Variants in NLRP10 observed in about 807,000 individuals in gnomAD.
NLRP10 encodes the protein NLR family pyrin domain containing 10, also known as NACHT, LRR and PYD domains-containing protein 10.
A neutral mutation model predicts 8.2 loss-of-function variants in NLRP10; 7 were observed. The observed-to-expected ratio is 0.85, with a 90% confidence interval of 0.48 to 1.60. The LOEUF (loss-of-function observed/expected upper bound fraction) is 1.60. Ranked by LOEUF, NLRP10 falls within the 40% of genes most tolerant of loss-of-function variation. NLRP10 has a pLI of 0.00. For synonymous variants in NLRP10, 338 were observed against 314.0 expected, an observed-to-expected ratio of 1.08 and a Z score of -0.81; for missense variants, 814 against 776.3, an observed-to-expected ratio of 1.05 and a Z score of -0.58.
In NLRP10 at chr11:7,957,790, A is replaced by T. The variant is rs1941644067; in HGVS notation, c.*1854T>A. On this transcript the variant is annotated 3_prime_UTR_variant, in exon 3 of 3. Transcript: ENST00000691676. ...TTGTACAGCTCTATGCGTTTTGAAA[A>T]ATTTATGTCATGACTCCATCATTAT... 6.6e-6 allele frequency among the ~76,000 whole-genome samples: 1 copy of T among 152,138 alleles called. No homozygotes were observed. Among genetic ancestry groups the T allele is most frequent in the Non-Finnish European group, 1.5e-5 (1 of 68,020 alleles).
chr11:7,961,352 T>C, intron 2 of NLRP10, 30 bp from the exon 3 acceptor site: 1 of 1,453,732 alleles, frequency 6.9e-7, no homozygotes, highest in Non-Finnish European at 9.3e-7. Flanking sequence ...TGTTAGGTAG[T>C]GAAATGGGAA....
In NLRP10 at chr11:7,960,861, A is replaced by T; in HGVS notation, c.751T>A (p.Phe251Ile). The change falls in exon 3 of 3, where the codon TTT (phenylalanine) becomes ATT (isoleucine). Residue 251 changes from phenylalanine to isoleucine, a missense_variant. By Grantham distance (21) the Phe-to-Ile change is conservative. Transcript: ENST00000691676. ...PERLLFILDG[F>I]DELQRPFEEK... is the part of the protein sequence containing the mutation. The stretch of plus-strand genomic sequence containing the variant: ...TCAAAGGGCCTCTGCAGCTCATCAA[A>T]GCCATCCAGGATGAACAGGAGCCGC... 6.2e-7 allele frequency: 1 copy of T among 1,614,114 alleles called. No homozygotes were observed. The highest frequency in any genetic ancestry group is 1.1e-5 in the South Asian group (1 of 91,076).
Position 7,960,792 on chromosome 11 carries a change from G to T in NLRP10, c.820C>A (p.Leu274Met), listed in dbSNP as rs781429654. The change falls in exon 3 of 3, where the codon CTG becomes ATG. Residue 274 changes from leucine (L) to methionine (M), a missense_variant. By Grantham distance (15) the Leu-to-Met change is conservative. Coordinates refer to ENST00000691676, the MANE Select transcript of NLRP10 (RefSeq NM_001391958.1). ...GTATGTCTCCTAATTAGAAGGTGCAGCAGGCTCTCCTTGGGACTCAAACCC... is the reference window on the plus strand; with the variant it reads ...GTATGTCTCCTAATTAGAAGGTGCATCAGGCTCTCCTTGGGACTCAAACCC... ...KRGLSPKESLLHLLIRRHTLP... is the reference protein window; with the variant it reads ...KRGLSPKESLMHLLIRRHTLP... 1 of 1,614,130 alleles carries T rather than the reference G, an allele frequency of 6.2e-7. No homozygotes were observed. Among genetic ancestry groups the T allele is most frequent in the Admixed American group, 1.7e-5 (1 of 60,022 alleles).
In NLRP10 at chr11:7,958,742, G is replaced by A. The variant is rs1288943366; in HGVS notation, c.*902C>T. ...CTTTCGTATTTTTAGTAAAGACGGG[G>A]TTTCACCACATTGGCCAGGATGGTC... On this transcript the variant is annotated 3_prime_UTR_variant, in exon 3 of 3. Transcript: ENST00000691676. Among the ~76,000 whole-genome samples the A allele has an allele frequency of 1.3e-5, 2 of 152,128 alleles. No homozygotes were observed. Among genetic ancestry groups the A allele is most frequent in the African/African-American group, 4.8e-5 (2 of 41,430 alleles).
Position 7,960,019 on chromosome 11 carries a change from G to C in NLRP10, c.1593C>G (p.Leu531=). The C allele has an allele frequency of 6.2e-7, 1 of 1,614,054 alleles. No individual in the cohort carries two copies. Among genetic ancestry groups the C allele is most frequent in the Non-Finnish European group, 8.5e-7 (1 of 1,179,982 alleles). The change falls in exon 3 of 3, where the codon CTC becomes CTG. Residue 531 remains leucine (L), a synonymous_variant. Transcript: ENST00000691676. The part of the protein sequence containing the change: ...SKKDSFSNLE[L]KFCFRISPCL... The stretch of plus-strand genomic sequence containing the variant: ...AGGGAGAAATTCTGAAGCAGAACTT[G>C]AGCTCCAAGTTCGAGAAGCTGTCTT...
intron 2 of NLRP10, 60 bp from the exon 3 acceptor site, chr11:7,961,382 C>G: frequency 1.8e-6 from 2 of 1,088,090 alleles, no homozygotes; most frequent in Non-Finnish European, 2.7e-6. Flanking sequence ...GCAAAATGGC[C>G]CCTCCAAACT....
Position 7,960,783 on chromosome 11 carries a change from GA to G in NLRP10, c.828del (p.Leu277Ter). 6.2e-7 allele frequency: 1 copy of G among 1,614,130 alleles called. No individual in the cohort carries two copies. Among genetic ancestry groups the G allele is most frequent in the Non-Finnish European group, 8.5e-7 (1 of 1,180,020 alleles). On this transcript the variant is annotated frameshift_variant, in exon 3 of 3. Transcript: ENST00000691676. LOFTEE classifies it low-confidence loss of function (END_TRUNC). ...GLSPKESLLH[L>X]LIRRHTLPTC... ...GTGGGGAGTGTATGTCTCCTAATTAGAAGGTGCAGCAGGCTCTCCTTGGGAC... is the reference window on the plus strand; with the variant it reads ...GTGGGGAGTGTATGTCTCCTAATTAGAGGTGCAGCAGGCTCTCCTTGGGAC...
At chr11:7,963,640 A>G (rs1941771080) in intron 1 of NLRP10, 100 bp from the exon 2 acceptor site, 1 of 639,964 alleles carries the variant, frequency 1.6e-6, no homozygotes, top group Non-Finnish European at 2.7e-6. Flanking sequence ...GAGAGACGAG[A>G]TACATGTGCA....
chr11:7,964,121 C>A (rs999060667), intron 1 of NLRP10, among the ~76,000 whole-genome samples: 1 of 152,066 alleles, frequency 6.6e-6, no homozygotes, highest in South Asian at 2.1e-4. Flanking sequence ...GGGGTTTCAC[C>A]ATACGGGCCC....
rs747557662 is a variant in NLRP10, at chr11:7,960,231, AC to A, written c.1380del (p.Lys460AsnfsTer21). 3 of 1,614,006 alleles carry A rather than the reference AC, an allele frequency of 1.9e-6. No individual in the cohort carries two copies. In the African/African-American group the frequency reaches 4.0e-5, roughly 22 times the overall value. The part of the protein sequence containing the change: ...NDYQLGLAIK[K>X]FYSFRHISFQ... ...AAGCTGATGTGGCGGAAGCTGTAGAACTTCTTGATGGCAAGTCCCAATTGGT... is the reference window on the plus strand; with the variant it reads ...AAGCTGATGTGGCGGAAGCTGTAGAATTCTTGATGGCAAGTCCCAATTGGT... On this transcript the variant is annotated frameshift_variant, in exon 3 of 3. Transcript: ENST00000691676. LOFTEE classifies it low-confidence loss of function (END_TRUNC).
chr11:7,960,430 C>T lies in NLRP10; in HGVS notation c.1182G>A (p.Pro394=), dbSNP rs773746945. ...IFMAYVSTFL[P]PDDDGGCSEL... ...CGGAGCAGCCCCCATCATCATCGGG[C>T]GGCAGAAAGGTGGAGACGTAAGCCA... The change falls in exon 3 of 3, where the codon CCG becomes CCA. Residue 394 remains proline, a synonymous_variant. Coordinates refer to ENST00000691676, the MANE Select transcript of NLRP10 (RefSeq NM_001391958.1). The T allele has an allele frequency of 1.9e-6, 3 of 1,613,964 alleles. No individual in the cohort carries two copies. The highest frequency in any genetic ancestry group is 2.5e-6 in the Non-Finnish European group (3 of 1,180,034).
At position 7,963,947 on chromosome 11, in the gene NLRP10, A is replaced by C. The variant is rs199475851; in HGVS notation, c.-45-407T>G. ...TTTATTTTATTTTTTTTGGAGACAG[A>C]GTCTACCTCTGTTGCCCAGGCTGGG... On this transcript the variant is annotated intron_variant, in intron 1 of 2. Coordinates refer to ENST00000691676, the MANE Select transcript of NLRP10 (RefSeq NM_001391958.1). 3.7e-4 allele frequency among the ~76,000 whole-genome samples: 56 copies of C among 152,164 alleles called. 1 individual carries two copies. The highest frequency in any genetic ancestry group is 1.2e-3 in the African/African-American group (50 of 41,512).
Position 7,960,609 on chromosome 11 carries a change from C to G in NLRP10, c.1003G>C (p.Asp335His). 4 of 1,614,208 alleles carry G rather than the reference C, an allele frequency of 2.5e-6. No individual in the cohort carries two copies. The highest frequency in any genetic ancestry group is 3.4e-6 in the Non-Finnish European group (4 of 1,180,040). The change falls in exon 3 of 3, where the codon GAC becomes CAC. Residue 335 changes from aspartate to histidine, a missense_variant. By Grantham distance (81) the Asp-to-His change is moderately conservative. Coordinates refer to ENST00000691676, the MANE Select transcript of NLRP10 (RefSeq NM_001391958.1). ...TTCTGTACAATGTCGAAGGCACGGT[C>G]AGCTTGCTTCTCATCCGTGAAATAG... ...SSYFTDEKQA[D>H]RAFDIVQKND...
rs1941660402 is a variant in NLRP10, at chr11:7,958,573, C to G, written c.*1071G>C. 6.6e-6 allele frequency among the ~76,000 whole-genome samples: 1 copy of G among 151,136 alleles called. No homozygotes were observed. The highest frequency in any genetic ancestry group is 6.6e-5 in the Admixed American group (1 of 15,190). Reference sequence around the variant, plus strand: ...TTTACTCACCTTTTTTTTTTTGAGGCAGAGTCTCACTCTGTTGCCAGGCTG... The same window carrying G: ...TTTACTCACCTTTTTTTTTTTGAGGGAGAGTCTCACTCTGTTGCCAGGCTG... On this transcript the variant is annotated 3_prime_UTR_variant, in exon 3 of 3. Transcript: ENST00000691676.
chr11:7,963,415 C>G lies in NLRP10; in HGVS notation c.81G>C (p.Lys27Asn). 1.9e-6 allele frequency: 3 copies of G among 1,614,212 alleles called. No homozygotes were observed. The highest frequency in any genetic ancestry group is 2.5e-6 in the Non-Finnish European group (3 of 1,180,034). ...LSDLEENDFK[K>N]LKFYLRDMTL... ...TCATATCCCGTAAGTAGAACTTTAA[C>G]TTCTTGAAATCGTTCTCCTCAAGGT... Residue 27 changes from lysine (K) to asparagine (N), a missense_variant, in exon 2 of 3, where the codon AAG (lysine) becomes AAC (asparagine). Lys to Asn is a moderately conservative substitution (Grantham distance 94, BLOSUM62 0). Coordinates refer to ENST00000691676, the MANE Select transcript of NLRP10 (RefSeq NM_001391958.1).
intron 1 of NLRP10, chr11:7,963,741 G>T: frequency 1.8e-6 from 1 of 548,088 alleles, no homozygotes; most frequent in Non-Finnish European, 3.2e-6. Context: ...TGACTGTGTT[G>T]GCAAATGGGT....
At position 7,963,304 on chromosome 11, in the gene NLRP10, C is replaced by T. The variant is rs375367486; in HGVS notation, c.192G>A (p.Lys64=). Residue 64 remains lysine, a synonymous_variant, in exon 2 of 3, where the codon AAG becomes AAA. Coordinates refer to ENST00000691676, the MANE Select transcript of NLRP10 (RefSeq NM_001391958.1). The part of the protein sequence containing the change: ...PVDLAELLIS[K]YGEKEAVKVV... The stretch of plus-strand genomic sequence containing the variant: ...CTTTCACAGCCTCCTTTTCTCCATA[C>T]TTTGAAATCAGTAATTCTGCCAGGT... The T allele has an allele frequency of 3.1e-6, 5 of 1,614,156 alleles. No homozygotes were observed. The African/African-American group carries it at 4.0e-5, about 13-fold the overall frequency.
rs1941798925 is a variant in NLRP10 at position 7,965,260 on chromosome 11, G to A, written c.-60C>T. 2 of 152,222 alleles carry A rather than the reference G, an allele frequency of 1.3e-5. No individual in the cohort carries two copies. The highest frequency in any genetic ancestry group is 6.5e-5 in the Admixed American group (1 of 15,280). The allele number at this position is 152,222 out of a possible 1,614,324, so 9.4% of individuals were successfully genotyped here. A position where few individuals can be genotyped will look rare whatever the true frequency, so the allele number is the denominator to read the frequency against. On this transcript the variant is annotated 5_prime_UTR_variant, in exon 1 of 3. Transcript: ENST00000691676. ...AGGCTGCTTACCACAGTTCAGACTT[G>A]GGGAGCTGGAGGTGAGGCAGCGAGA...
At chr11:7,961,344 TTAGG>T in intron 2 of NLRP10, 22 bp from the exon 3 acceptor site, 1 of 1,482,656 alleles carries the variant, frequency 6.7e-7, no homozygotes, top group Non-Finnish European at 9.1e-7. Context: ...AAATGGGATG[TTAGG>T]TAGTGAAATG....
Sources: gnomAD v4.1 joint callset for allele counts (sites outside exome capture counted in the v4.1 genomes callset) on GRCh38, gnomAD v4.1.1 for gene constraint, MANE v1.5 for transcripts, NCBI Gene and HGNC (gene_info 2026-07-23, HGNC 2026-07-21) for gene names.